MAGED1: variants seen among roughly 807,000 people sequenced by gnomAD.
MAGED1 encodes the protein melanoma-associated antigen D1.
MAGED1 carries 3 observed loss-of-function variants against 54.1 expected under a neutral mutation model. The ratio of observed to expected loss-of-function variants is 0.06; its 90% CI spans 0.03 to 0.14. The LOEUF is 0.14. MAGED1 is among the 10% of genes least tolerant of loss of function. The pLI is 1.00. For missense variants in MAGED1, 485 were observed against 623.4 expected (o/e 0.78, Z 2.36); for synonymous variants, 217 against 227.3 (o/e 0.95, Z 0.41).
At chrX:51,846,808 G>A (rs1443513326) in intron 1 of MAGED1, among the ~76,000 whole-genome samples, 1 of 111,223 alleles carries the variant, frequency 9.0e-6, no homozygotes, top group Non-Finnish European at 1.9e-5. Context: ...GCACCAAGTG[G>A]ATGGTGCTAA....
chrX:51,860,610 C>G (rs983456508), intron 1 of MAGED1, among the ~76,000 whole-genome samples: 1 of 111,016 alleles, frequency 9.0e-6, no homozygotes, highest in Non-Finnish European at 1.9e-5. Flanking sequence ...GTAGGTAGTC[C>G]GGAATTCATT....
At chrX:51,828,271 T>A (rs1925929034) in intron 1 of MAGED1, among the ~76,000 whole-genome samples, 1 of 111,924 alleles carries the variant, frequency 8.9e-6, no homozygotes, top group Admixed American at 9.5e-5. Flanking sequence ...CGTTTCTCCC[T>A]TGCTTTCTTT....
chrX:51,814,279 C>G (rs1001752942), intron 1 of MAGED1, among the ~76,000 whole-genome samples: 1 of 111,599 alleles, frequency 9.0e-6, no homozygotes, highest in Non-Finnish European at 1.9e-5. Flanking sequence ...CTGCCGCTGC[C>G]GCTGCTGCTA....
At chrX:51,838,409 T>C (rs782442692) in intron 1 of MAGED1, among the ~76,000 whole-genome samples, 1 of 112,692 alleles carries the variant, frequency 8.9e-6, no homozygotes, top group East Asian at 2.8e-4. Flanking sequence ...TCTTTAGGCA[T>C]CTACACCAAG....
At chrX:51,860,552 G>A (rs185124158) in intron 1 of MAGED1, among the ~76,000 whole-genome samples, 1 of 111,488 alleles carries the variant, frequency 9.0e-6, no homozygotes, top group East Asian at 2.8e-4. Context: ...TAAGGAGCAG[G>A]TTTGTGGGGA....
At chrX:51,807,934 C>T (rs962523690) in intron 1 of MAGED1, among the ~76,000 whole-genome samples, 12 of 111,682 alleles carry the variant, frequency 1.1e-4, no homozygotes, top group Non-Finnish European at 1.9e-4. Flanking sequence ...TCAATTTCTA[C>T]AAACATTCTT....
chrX:51,864,187 AGAGT>A (rs1454381179), intron 1 of MAGED1, among the ~76,000 whole-genome samples: 5 of 95,579 alleles, frequency 5.2e-5, no homozygotes, highest in Non-Finnish European at 6.6e-5. Context: ...AGAGAGAGAG[AGAGT>A]GTGTGTGTGT....
At chrX:51,856,083 G>A (rs971841082) in intron 1 of MAGED1, among the ~76,000 whole-genome samples, 4 of 111,977 alleles carry the variant, frequency 3.6e-5, no homozygotes, top group Non-Finnish European at 7.5e-5. Flanking sequence ...CCCACTTGTC[G>A]ATAACAATTC....
At chrX:51,871,272 C>CT (rs781922894) in intron 1 of MAGED1, among the ~76,000 whole-genome samples, 78 of 100,678 alleles carry the variant, frequency 7.7e-4, no homozygotes, top group East Asian at 3.3e-3. Context: ...TGGGCATAAT[C>CT]TTTTTTTTTT....
chrX:51,850,113 G>C (rs1743082076), intron 1 of MAGED1, among the ~76,000 whole-genome samples: 1 of 110,434 alleles, frequency 9.1e-6, no homozygotes, highest in Admixed American at 9.6e-5. Context: ...TAGAGATGGG[G>C]TTTTGCCATG....
chrX:51,897,745 A>G (rs782770825), intron 6 of MAGED1, 50 bp from the exon 7 acceptor site: 2 of 1,071,788 alleles, frequency 1.9e-6, no homozygotes, highest in Non-Finnish European at 1.3e-6. Flanking sequence ...GCCTATGGGT[A>G]GCTTATGCTA....
At chrX:51,833,690 G>A (rs1246147426) in intron 1 of MAGED1, among the ~76,000 whole-genome samples, 4 of 111,868 alleles carry the variant, frequency 3.6e-5, no homozygotes, top group Non-Finnish European at 7.5e-5. Context: ...CTTTACCATC[G>A]TCAGGATATT....
Position 51,895,763 on chromosome X carries a change from G to C in MAGED1, c.753+3G>C, listed in dbSNP as rs782264852. The C allele has an allele frequency of 3.3e-5, 38 of 1,151,538 alleles. No homozygotes were observed. The highest frequency in any genetic ancestry group is 4.2e-5 in the Non-Finnish European group (36 of 861,212). The allele number at this position is 1,151,538 out of a possible 1,213,427, so 94.9% of individuals were successfully genotyped here. A position where few individuals can be genotyped will look rare whatever the true frequency, so the allele number is the denominator to read the frequency against. ...TTCGGGGCAAGAGGACCCGCAAGGT[G>C]AGATCTCTGCTAACTTCATTTTGCT... is the stretch of plus-strand genomic sequence containing the variant. On this transcript the variant is annotated splice_donor_region_variant and intron_variant, in intron 3 of 12. Coordinates refer to ENST00000326587, the MANE Select transcript of MAGED1 (RefSeq NM_006986.4).
chrX:51,894,204 C>T, intron 1 of MAGED1, 65 bp from the exon 2 acceptor site: 2 of 620,115 alleles, frequency 3.2e-6, no homozygotes, highest in East Asian at 7.1e-5. Flanking sequence ...CCACAGTCAC[C>T]CCCCTCCCAA....
At chrX:51,834,811 T>A (rs1041719908) in intron 1 of MAGED1, among the ~76,000 whole-genome samples, 1 of 111,923 alleles carries the variant, frequency 8.9e-6, no homozygotes, top group Non-Finnish European at 1.9e-5. Context: ...TTATGATTGA[T>A]CTTTGTATCT....
intron 1 of MAGED1, among the ~76,000 whole-genome samples, chrX:51,805,503 T>C (rs1273905534): frequency 9.0e-6 from 1 of 110,711 alleles, no homozygotes; most frequent in East Asian, 2.8e-4. Context: ...TTTATTATTT[T>C]ATAAGACAAT....
intron 1 of MAGED1, among the ~76,000 whole-genome samples, chrX:51,876,093 G>T (rs1439067706): frequency 9.0e-6 from 1 of 111,391 alleles, no homozygotes; most frequent in Non-Finnish European, 1.9e-5. Flanking sequence ...CTATAAATCA[G>T]CACGAAAAGG....
intron 2 of MAGED1, 161 bp from the exon 3 acceptor site, chrX:51,894,892 C>T: frequency 2.0e-6 from 2 of 978,040 alleles, no homozygotes; most frequent in East Asian, 6.3e-5. Context: ...TCCCCCATCG[C>T]CCCTCGCGGG....
At chrX:51,849,154 G>A in intron 1 of MAGED1, among the ~76,000 whole-genome samples, 1 of 110,764 alleles carries the variant, frequency 9.0e-6, no homozygotes, top group Non-Finnish European at 1.9e-5. Flanking sequence ...TGATTAATGA[G>A]TGGTTCCAGG....
Sources: allele counts gnomAD v4.1 joint callset (sites outside exome capture counted in the v4.1 genomes callset), GRCh38; gene constraint gnomAD v4.1.1; transcripts MANE v1.5; gene names NCBI Gene and HGNC (gene_info 2026-07-23, HGNC 2026-07-21).